CACNA2D4: variants seen among roughly 807,000 people sequenced by gnomAD.
CACNA2D4 encodes the protein calcium voltage-gated channel auxiliary subunit alpha2delta 4.
Under a neutral mutation model 163.8 loss-of-function variants are expected in CACNA2D4, and 157 were observed. The observed-to-expected ratio is 0.96, with a 90% CI of 0.84 to 1.09. The LOEUF (loss-of-function observed/expected upper bound fraction) is 1.09. Among genes scored for constraint, CACNA2D4 ranks in the 50% least tolerant of loss-of-function variants. The pLI is 0.00. For missense variants in CACNA2D4, 1,410 were observed against 1,479.9 expected (o/e 0.95, Z 0.78); for synonymous variants, 598 against 586.9 (o/e 1.02, Z -0.27).
At chr12:1,848,078 C>A (rs898465432) in intron 23 of CACNA2D4, among the ~76,000 whole-genome samples, 4 of 152,198 alleles carry the variant, frequency 2.6e-5, no homozygotes. Context: ...CCAATTCACC[C>A]ACCTAAAGTG....
intron 26 of CACNA2D4, among the ~76,000 whole-genome samples, chr12:1,813,575 T>C (rs1428286260): frequency 6.6e-6 from 1 of 152,124 alleles, no homozygotes; most frequent in Non-Finnish European, 1.5e-5. Flanking sequence ...GTGGCCAGCG[T>C]TTTGGACAGT....
At chr12:1,884,062 G>T in intron 12 of CACNA2D4, 181 bp downstream of exon 12, 1 of 576,658 alleles carries the variant, frequency 1.7e-6, no homozygotes. Flanking sequence ...AGACAGAGCT[G>T]ACATTGTCTC....
chr12:1,878,901 G>T lies in CACNA2D4; in HGVS notation c.1644+55C>A. On this transcript the variant is annotated intron_variant, in intron 15 of 37. Transcript: ENST00000382722. The surrounding 1 kb of genome is among the most constrained non-coding windows in gnomAD (Gnocchi z 4.6). Reference sequence around the variant, plus strand: ...GGAGAGAGGCTCCCATCACGGGGGAGGGAGTTTGCTCCTGGGGAACCTGTG... The same window carrying T: ...GGAGAGAGGCTCCCATCACGGGGGATGGAGTTTGCTCCTGGGGAACCTGTG... 1 of 1,514,300 alleles carries T rather than the reference G, an allele frequency of 6.6e-7. No individual in the cohort carries two copies. The highest frequency in any genetic ancestry group is 9.1e-7 in the Non-Finnish European group (1 of 1,096,184). 93.8% of individuals were successfully genotyped at this position (1,514,300 alleles called of 1,614,324 possible). A position where few individuals can be genotyped will look rare whatever the true frequency, so the allele number is the denominator to read the frequency against.
Position 1,799,706 on chromosome 12 carries a change from C to T in CACNA2D4, c.2975-11G>A. The T allele has an allele frequency of 1.3e-6, 2 of 1,569,890 alleles. No homozygotes were observed. The highest frequency in any genetic ancestry group is 2.4e-5 in the South Asian group (2 of 85,102). On this transcript the variant is annotated splice_polypyrimidine_tract_variant and intron_variant, in intron 33 of 37. Coordinates refer to ENST00000382722, the MANE Select transcript of CACNA2D4 (RefSeq NM_172364.5). This position sits in a 1 kb window ranked among gnomAD's most constrained non-coding sequence, Gnocchi z 4.7. Reference sequence around the variant, plus strand: ...GGAAGACACTTTTGGCTGGCCGGAACATAAGCCCAGCACAGGGTGGACACG... The same window carrying T: ...GGAAGACACTTTTGGCTGGCCGGAATATAAGCCCAGCACAGGGTGGACACG...
intron 18 of CACNA2D4, among the ~76,000 whole-genome samples, chr12:1,864,424 G>C (rs2154448737): frequency 6.6e-6 from 1 of 152,356 alleles, no homozygotes; most frequent in East Asian, 1.9e-4. Context: ...CATTTCCATA[G>C]TTACTCTGCC....
intron 6 of CACNA2D4, among the ~76,000 whole-genome samples, chr12:1,898,228 C>T (rs577008194): frequency 2.0e-5 from 3 of 152,108 alleles, no homozygotes; most frequent in African/African-American, 4.8e-5. Context: ...AATAGATAGA[C>T]TGGACATCAA....
intron 26 of CACNA2D4, among the ~76,000 whole-genome samples, chr12:1,823,001 G>GC (rs1864170700): frequency 6.6e-6 from 1 of 152,216 alleles, no homozygotes; most frequent in Admixed American, 6.5e-5. Flanking sequence ...CTTCTCTCTG[G>GC]CCTTCTGCAG....
In CACNA2D4 at chr12:1,878,916, G is replaced by A; in HGVS notation, c.1644+40C>T. The stretch of plus-strand genomic sequence containing the variant: ...TCACGGGGGAGGGAGTTTGCTCCTG[G>A]GGAACCTGTGATCCCCACAGGGAAC... On this transcript the variant is annotated intron_variant, in intron 15 of 37. Coordinates refer to ENST00000382722, the MANE Select transcript of CACNA2D4 (RefSeq NM_172364.5). This position sits in a 1 kb window ranked among gnomAD's most constrained non-coding sequence, Gnocchi z 4.6. The A allele has an allele frequency of 2.5e-6, 4 of 1,571,972 alleles. No individual in the cohort carries two copies. The highest frequency in any genetic ancestry group is 1.1e-5 in the South Asian group (1 of 89,394).
intron 5 of CACNA2D4, 27 bp from the exon 6 acceptor site, chr12:1,907,598 T>C: frequency 1.9e-6 from 3 of 1,604,132 alleles, no homozygotes; most frequent in Non-Finnish European, 2.6e-6. Context: ...TAGATTATGA[T>C]CCTGTAGAAC....
intron 26 of CACNA2D4, among the ~76,000 whole-genome samples, chr12:1,837,794 G>C (rs1864916082): frequency 6.6e-6 from 1 of 152,186 alleles, no homozygotes; most frequent in African/African-American, 2.4e-5. Flanking sequence ...GTCTTCCCGA[G>C]CCCCACTGCA....
rs1864500427 is a variant in CACNA2D4 at position 1,829,084 on chromosome 12, T to C, written c.2551+11655A>G. Among the ~76,000 whole-genome samples the C allele has an allele frequency of 6.6e-6, 1 of 152,196 alleles. No individual in the cohort carries two copies. The highest frequency in any genetic ancestry group is 6.5e-5 in the Admixed American group (1 of 15,288). Reference sequence around the variant, plus strand: ...GACTCAGATCTCCTTTCAGCCTCATTCTAGAATCACTCAACACCTCGCAAT... The same window carrying C: ...GACTCAGATCTCCTTTCAGCCTCATCCTAGAATCACTCAACACCTCGCAAT... On this transcript the variant is annotated intron_variant, in intron 26 of 37. Transcript: ENST00000382722. This position sits in a 1 kb window ranked among gnomAD's most constrained non-coding sequence, Gnocchi z 4.2.
intron 26 of CACNA2D4, among the ~76,000 whole-genome samples, chr12:1,823,719 TGTCTTGCTTGCATCTCA>T (rs1168470439): frequency 6.6e-6 from 1 of 152,220 alleles, no homozygotes; most frequent in East Asian, 1.9e-4. Context: ...GAGGAGAACC[TGTCTTGCTTGCATCTCA>T]GTCCAGCAAG....
rs1331743227 is a variant in CACNA2D4 at position 1,833,880 on chromosome 12, C to T, written c.2551+6859G>A. Among the ~76,000 whole-genome samples, 1 of 152,120 alleles carries T rather than the reference C, an allele frequency of 6.6e-6. No homozygotes were observed. Among genetic ancestry groups the T allele is most frequent in the African/African-American group, 2.4e-5 (1 of 41,410 alleles). ...TCGGGGGCAGAGAGTGTGGCAGGGA[C>T]GCTCAGCTCTCTAATGACAGCCCTT... is the stretch of plus-strand genomic sequence containing the variant. On this transcript the variant is annotated intron_variant, in intron 26 of 37. Transcript: ENST00000382722. This position sits in a 1 kb window ranked among gnomAD's most constrained non-coding sequence, Gnocchi z 4.2.
At chr12:1,853,880 AG>A in intron 23 of CACNA2D4, 70 bp downstream of exon 23, 1 of 1,210,560 alleles carries the variant, frequency 8.3e-7, no homozygotes, top group South Asian at 1.3e-5. Flanking sequence ...AGATGGTGAG[AG>A]GGGTCCCAAC....
chr12:1,855,780 G>T (rs759877882), intron 22 of CACNA2D4, among the ~76,000 whole-genome samples: 1 of 152,228 alleles, frequency 6.6e-6, no homozygotes, highest in Non-Finnish European at 1.5e-5. Context: ...CTGACCTGGG[G>T]ATCCATACAT....
At chr12:1,905,431 C>T (rs1866636272) in intron 6 of CACNA2D4, among the ~76,000 whole-genome samples, 1 of 152,062 alleles carries the variant, frequency 6.6e-6, no homozygotes, top group Non-Finnish European at 1.5e-5. Flanking sequence ...TGTCTGTTCA[C>T]AGATGATCTC....
intron 26 of CACNA2D4, among the ~76,000 whole-genome samples, chr12:1,814,881 G>T (rs1446039439): frequency 6.6e-6 from 1 of 152,094 alleles, no homozygotes; most frequent in Non-Finnish European, 1.5e-5. Flanking sequence ...TCGTCCCATT[G>T]CTCTTTTTTG....
rs1292527646 is a variant in CACNA2D4, at chr12:1,799,298, C to T, written c.2995+377G>A. Reference sequence around the variant, plus strand: ...GAATCATCCTGAGAGCTTCCTGGGGCCCCTGGAACCCGGAGTCCCGCTGAG... The same window carrying T: ...GAATCATCCTGAGAGCTTCCTGGGGTCCCTGGAACCCGGAGTCCCGCTGAG... On this transcript the variant is annotated intron_variant, in intron 34 of 37. Transcript: ENST00000382722. The surrounding 1 kb of genome is among the most constrained non-coding windows in gnomAD (Gnocchi z 4.7). Among the ~76,000 whole-genome samples the T allele has an allele frequency of 6.6e-6, 1 of 152,152 alleles. No individual in the cohort carries two copies. Among genetic ancestry groups the T allele is most frequent in the African/African-American group, 2.4e-5 (1 of 41,420 alleles).
chr12:1,794,637 G>A (rs901472372), intron 37 of CACNA2D4, among the ~76,000 whole-genome samples: 11 of 152,150 alleles, frequency 7.2e-5, no homozygotes, highest in Admixed American at 2.0e-4. Context: ...ACCATGACCC[G>A]TTTATTATAA....
Sources: allele counts gnomAD v4.1 joint callset (sites outside exome capture counted in the v4.1 genomes callset), GRCh38; gene constraint gnomAD v4.1.1; non-coding constraint Gnocchi (gnomAD v3.1); transcripts MANE v1.5; gene names NCBI Gene and HGNC (gene_info 2026-07-23, HGNC 2026-07-21).